The following OLFM1 variants were observed in gnomAD, a reference collection of about 807,000 sequenced individuals.
OLFM1 encodes noelin.
A neutral mutation model predicts 49.7 loss-of-function variants in OLFM1; 9 were observed. The ratio of observed to expected loss-of-function variants is 0.18; its 90% confidence interval spans 0.11 to 0.32. OLFM1 has a LOEUF of 0.32. Among genes scored for constraint, OLFM1 ranks in the 10% least tolerant of loss-of-function variants. The pLI is 1.00. For missense variants in OLFM1, 369 were observed against 661.8 expected (o/e 0.56, Z 4.85); for synonymous variants, 240 against 271.8 (o/e 0.88, Z 1.15).
Position 135,118,914 on chromosome 9 carries a change from GGTCTTTGGAGTGCTCTCTGT to G in OLFM1, c.784-580_784-561del, listed in dbSNP as rs1831142306. On this transcript the variant is annotated intron_variant, in intron 5 of 5. Coordinates refer to ENST00000371793, the MANE Select transcript of OLFM1 (RefSeq NM_001282611.2). The stretch of plus-strand genomic sequence containing the variant: ...TACTGGGTCTTTGGAGTGCTCGCCG[GGTCTTTGGAGTGCTCTCTGT>G]GTCTTTGGAAGTGCTCACTGGGTCT... 2.7e-5 allele frequency among the ~76,000 whole-genome samples: 4 copies of G among 147,942 alleles called. No homozygotes were observed. In the South Asian group the frequency reaches 6.5e-4, roughly 24 times the overall value.
At chr9:135,091,468 G>T (rs866889214) in intron 2 of OLFM1, among the ~76,000 whole-genome samples, 11 of 143,158 alleles carry the variant, frequency 7.7e-5, no homozygotes, top group African/African-American at 2.9e-4. Context: ...CTCACACACA[G>T]TCACACACAT....
chr9:135,091,951 G>A (rs1410710901), intron 2 of OLFM1, among the ~76,000 whole-genome samples: 1 of 151,414 alleles, frequency 6.6e-6, no homozygotes, highest in Non-Finnish European at 1.5e-5. Context: ...TAGTAAAGCC[G>A]TGACTCTTCC....
chr9:135,075,576 C>A, exon 1 of OLFM1: 1 of 516,228 alleles, frequency 1.9e-6, no homozygotes, highest in Non-Finnish European at 3.2e-6. Flanking sequence ...GCGCGCCGCC[C>A]GCTCCGGGTG....
chr9:135,087,279 C>A, upstream of OLFM1: 1 of 1,479,144 alleles, frequency 6.8e-7, no homozygotes, highest in Non-Finnish European at 8.9e-7. Context: ...CGGAAAAGGG[C>A]TCCAGTAGGC....
chr9:135,108,981 T>C (rs767380821), intron 5 of OLFM1, among the ~76,000 whole-genome samples: 1 of 152,124 alleles, frequency 6.6e-6, no homozygotes, highest in East Asian at 1.9e-4. Flanking sequence ...CACCCCACTA[T>C]GCAGAGCAGG....
At chr9:135,104,845 C>T (rs893034758) in intron 4 of OLFM1, among the ~76,000 whole-genome samples, 3 of 152,218 alleles carry the variant, frequency 2.0e-5, no homozygotes, top group East Asian at 1.9e-4. Context: ...TTAGTGAAGC[C>T]GCCCTGAGCT....
chr9:135,108,928 TCCCC>T (rs1322415794), intron 5 of OLFM1, among the ~76,000 whole-genome samples: 1 of 151,552 alleles, frequency 6.6e-6, no homozygotes, highest in Non-Finnish European at 1.5e-5. Flanking sequence ...TATACCACCC[TCCCC>T]CTACAAGTGC....
At chr9:135,077,814 T>C (rs1458023042) in intron 1 of OLFM1, among the ~76,000 whole-genome samples, 1 of 152,222 alleles carries the variant, frequency 6.6e-6, no homozygotes, top group Non-Finnish European at 1.5e-5. Flanking sequence ...GAATCTTGCA[T>C]TGGAGGCCAG....
chr9:135,104,438 T>G (rs904712962), intron 4 of OLFM1, among the ~76,000 whole-genome samples: 1 of 152,162 alleles, frequency 6.6e-6, no homozygotes, highest in Non-Finnish European at 1.5e-5. Flanking sequence ...ATGAGTCTGC[T>G]GCGGGTGTGG....
upstream of OLFM1, chr9:135,087,487 C>G: frequency 2.0e-6 from 3 of 1,482,130 alleles, no homozygotes; most frequent in Non-Finnish European, 2.7e-6. Context: ...CTCCTCATGT[C>G]ACCCTGATCC....
chr9:135,091,724 CTCAT>C (rs796454553), intron 2 of OLFM1, among the ~76,000 whole-genome samples: 6 of 15,262 alleles, frequency 3.9e-4, no homozygotes, highest in Admixed American at 1.4e-3. Flanking sequence ...TAGTCACACA[CTCAT>C]AGTCACACAC....
chr9:135,114,943 G>A (rs778210323), intron 5 of OLFM1, among the ~76,000 whole-genome samples: 16 of 151,936 alleles, frequency 1.1e-4, no homozygotes, highest in Non-Finnish European at 1.9e-4. Flanking sequence ...TGTGGACCCC[G>A]GAGCTGATGT....
chr9:135,079,125 G>C (rs914304635), intron 1 of OLFM1, among the ~76,000 whole-genome samples: 3 of 152,146 alleles, frequency 2.0e-5, no homozygotes, highest in African/African-American at 7.2e-5. Context: ...TGGCACCTGG[G>C]GCCGGCTTGC....
intron 5 of OLFM1, among the ~76,000 whole-genome samples, chr9:135,108,880 T>G (rs569536587): frequency 6.6e-6 from 1 of 152,188 alleles, no homozygotes; most frequent in African/African-American, 2.4e-5. Context: ...ATGGAGTGCC[T>G]GTCTGCAGCA....
rs770339275 is a variant in OLFM1 at position 135,076,801 on chromosome 9, A to G, written c.96+999A>G. ...CCTTCTTTCCTTCCTCCCTTCCTCC[A>G]TCTCCCTCAGAATAAAAGAGAAAAC... On this transcript the variant is annotated intron_variant, in intron 1 of 5. Transcript: ENST00000252854. 7 of 1,530,954 alleles carry G rather than the reference A, an allele frequency of 4.6e-6. No individual in the cohort carries two copies. The African/African-American group carries it at 5.5e-5, about 12-fold the overall frequency. 94.8% of individuals were successfully genotyped at this position (1,530,954 alleles called of 1,614,324 possible).
intron 4 of OLFM1, among the ~76,000 whole-genome samples, chr9:135,104,403 C>T (rs1296079664): frequency 6.6e-6 from 1 of 152,216 alleles, no homozygotes; most frequent in Non-Finnish European, 1.5e-5. Context: ...CACCTGGTCT[C>T]CTTCCGGTAG....
chr9:135,094,253 C>G (rs1471306038), intron 2 of OLFM1, among the ~76,000 whole-genome samples: 1 of 152,202 alleles, frequency 6.6e-6, no homozygotes, highest in South Asian at 2.1e-4. Context: ...GTCACTCCCC[C>G]CATGAGCATC....
Position 135,098,256 on chromosome 9 carries a change from G to A in OLFM1, c.457-30G>A, listed in dbSNP as rs751381277. Reference sequence around the variant, plus strand: ...GGGTGTGAGAGTTCTTGCATGCATCGCACTGAACCAGCTTATTTTAACCTT... The same window carrying A: ...GGGTGTGAGAGTTCTTGCATGCATCACACTGAACCAGCTTATTTTAACCTT... On this transcript the variant is annotated intron_variant, in intron 3 of 5. Transcript: ENST00000371793. This position sits in a 1 kb window ranked among gnomAD's most constrained non-coding sequence, Gnocchi z 5.6. The A allele has an allele frequency of 6.2e-6, 10 of 1,608,078 alleles. No homozygotes were observed. Among genetic ancestry groups the A allele is most frequent in the Non-Finnish European group, 8.5e-6 (10 of 1,175,374 alleles).
intron 1 of OLFM1, chr9:135,077,374 G>T: frequency 9.4e-7 from 1 of 1,059,446 alleles, no homozygotes; most frequent in Non-Finnish European, 1.2e-6. Flanking sequence ...CAGGCCAAAA[G>T]ATGCTTTTCC....
Sources: gnomAD v4.1 joint callset for allele counts (sites outside exome capture counted in the v4.1 genomes callset) on GRCh38, gnomAD v4.1.1 for gene constraint, Gnocchi (gnomAD v3.1) non-coding constraint, MANE v1.5 for transcripts, NCBI Gene and HGNC (gene_info 2026-07-23, HGNC 2026-07-21) for gene names.